Variants in BMPR1B observed in about 807,000 individuals in gnomAD.
The protein encoded by BMPR1B is bone morphogenetic protein receptor type-1B.
Under a neutral mutation model 59.1 loss-of-function variants are expected in BMPR1B, and 12 were observed. The ratio of observed to expected loss-of-function variants is 0.20; its 90% CI spans 0.13 to 0.33. The LOEUF (loss-of-function observed/expected upper bound fraction) is 0.33. Ranked by LOEUF, BMPR1B falls within the 10% of genes least tolerant of loss-of-function variation. The pLI, the probability that BMPR1B is intolerant of heterozygous loss-of-function variation, is 1.00. For missense variants in BMPR1B, 550 were observed against 610.9 expected (o/e 0.90, Z 1.05); for synonymous variants, 237 against 207.3 (o/e 1.14, Z -1.23).
intron 10 of BMPR1B, among the ~76,000 whole-genome samples, chr4:95,144,295 C>T (rs1734469630): frequency 6.6e-6 from 1 of 152,088 alleles, no homozygotes; most frequent in South Asian, 2.1e-4. Context: ...CTGCTTCAGC[C>T]TCGCAAGTAG....
At chr4:94,860,396 A>C (rs1725932097) in intron 1 of BMPR1B, among the ~76,000 whole-genome samples, 1 of 152,190 alleles carries the variant, frequency 6.6e-6, no homozygotes, top group South Asian at 2.1e-4. Flanking sequence ...TGTATACGTA[A>C]TCTTACAGAA....
At chr4:95,003,015 C>A (rs1308858031) in intron 3 of BMPR1B, among the ~76,000 whole-genome samples, 1 of 151,216 alleles carries the variant, frequency 6.6e-6, no homozygotes, top group Non-Finnish European at 1.5e-5. Flanking sequence ...ATTAAAGGAT[C>A]TTGATTTTTT....
chr4:94,939,835 C>G (rs1025384538), intron 2 of BMPR1B, among the ~76,000 whole-genome samples: 2 of 152,086 alleles, frequency 1.3e-5, no homozygotes, highest in African/African-American at 4.8e-5. Context: ...CTTTTTAAAG[C>G]CAAAGCCATT....
intron 1 of BMPR1B, among the ~76,000 whole-genome samples, chr4:94,759,235 C>T (rs562856977): frequency 7.1e-4 from 108 of 152,176 alleles, no homozygotes; most frequent in Non-Finnish European, 1.2e-3. Flanking sequence ...TGACTACGAG[C>T]GGCCACAAAG....
At chr4:94,870,117 C>A (rs1013582363) in intron 1 of BMPR1B, among the ~76,000 whole-genome samples, 1 of 152,094 alleles carries the variant, frequency 6.6e-6, no homozygotes, top group Non-Finnish European at 1.5e-5. Flanking sequence ...TTTATAAACT[C>A]TGATCAGTCT....
At chr4:94,828,023 T>C (rs1299274063) in intron 1 of BMPR1B, among the ~76,000 whole-genome samples, 1 of 152,208 alleles carries the variant, frequency 6.6e-6, no homozygotes, top group Non-Finnish European at 1.5e-5. Flanking sequence ...AAACAGCAGA[T>C]AAGGTCACGT....
intron 1 of BMPR1B, among the ~76,000 whole-genome samples, chr4:94,813,813 G>T (rs903664111): frequency 2.6e-5 from 4 of 152,114 alleles, no homozygotes; most frequent in Non-Finnish European, 5.9e-5. Flanking sequence ...CAGACTGTAT[G>T]TCCTGATGGA....
intron 1 of BMPR1B, among the ~76,000 whole-genome samples, chr4:94,855,689 G>A (rs1345783744): frequency 1.3e-5 from 2 of 152,196 alleles, no homozygotes; most frequent in Non-Finnish European, 2.9e-5. Context: ...GTGCATTGCT[G>A]CCACTGGTGA....
At chr4:95,042,225 G>A (rs1192055587) in intron 3 of BMPR1B, among the ~76,000 whole-genome samples, 1 of 152,146 alleles carries the variant, frequency 6.6e-6, no homozygotes, top group African/African-American at 2.4e-5. Flanking sequence ...CATTTTTATT[G>A]TATTAACGGT....
At chr4:95,118,640 T>C (rs1732246965) in intron 6 of BMPR1B, among the ~76,000 whole-genome samples, 2 of 152,194 alleles carry the variant, frequency 1.3e-5, no homozygotes. Flanking sequence ...AGAAATCTGC[T>C]GTCCTGGAGA....
At chr4:94,978,949 T>TACACACACACACACACAC (rs10649707) in intron 2 of BMPR1B, among the ~76,000 whole-genome samples, 4 of 147,696 alleles carry the variant, frequency 2.7e-5, no homozygotes, top group African/African-American at 1.0e-4. Flanking sequence ...CACACATACA[T>TACACACACACACACACAC]ACACACACAC....
chr4:95,073,908 G>T (rs985306096), intron 3 of BMPR1B, among the ~76,000 whole-genome samples: 3 of 152,116 alleles, frequency 2.0e-5, no homozygotes, highest in Non-Finnish European at 4.4e-5. Context: ...ACACTTTTAA[G>T]ACCAAAGCAG....
At chr4:94,883,549 C>T (rs915285877) in intron 2 of BMPR1B, among the ~76,000 whole-genome samples, 1 of 151,776 alleles carries the variant, frequency 6.6e-6, no homozygotes, top group Non-Finnish European at 1.5e-5. Flanking sequence ...TCAAGCAGCT[C>T]ATTAATAACT....
intron 8 of BMPR1B, among the ~76,000 whole-genome samples, chr4:95,125,533 G>A (rs1732846058): frequency 1.3e-5 from 2 of 152,064 alleles, no homozygotes; most frequent in African/African-American, 4.8e-5. Flanking sequence ...TATGTTTCAG[G>A]GTAAAGTTCT....
chr4:95,044,529 CCTCCTCTACATGCTT>C (rs752178203), intron 3 of BMPR1B, among the ~76,000 whole-genome samples: 3 of 152,214 alleles, frequency 2.0e-5, no homozygotes, highest in Admixed American at 6.5e-5. Flanking sequence ...GAACACAAAT[CCTCCTCTACATGCTT>C]TAGACAAGTT....
intron 3 of BMPR1B, among the ~76,000 whole-genome samples, chr4:94,999,501 A>G (rs1722292686): frequency 6.6e-6 from 1 of 152,060 alleles, no homozygotes; most frequent in Admixed American, 6.6e-5. Context: ...TTGGGTAACA[A>G]GAGTCAAAAT....
chr4:95,080,392 A>G (rs1013409136), intron 3 of BMPR1B, among the ~76,000 whole-genome samples: 9 of 152,070 alleles, frequency 5.9e-5, no homozygotes, highest in African/African-American at 2.2e-4. Context: ...GTCCACAACC[A>G]TGTCGGCTAA....
intron 3 of BMPR1B, among the ~76,000 whole-genome samples, chr4:95,060,249 C>T (rs1394952290): frequency 6.6e-6 from 1 of 151,966 alleles, no homozygotes; most frequent in African/African-American, 2.4e-5. Context: ...ACATTGAATT[C>T]AAGATAATAA....
intron 1 of BMPR1B, among the ~76,000 whole-genome samples, chr4:94,863,914 G>A (rs1167287527): frequency 6.6e-6 from 1 of 152,198 alleles, no homozygotes; most frequent in South Asian, 2.1e-4. Context: ...GGAAGTTACA[G>A]TTCATTAAAT....
Sources: allele counts gnomAD v4.1 joint callset (sites outside exome capture counted in the v4.1 genomes callset), GRCh38; gene constraint gnomAD v4.1.1; transcripts MANE v1.5; gene names NCBI Gene and HGNC (gene_info 2026-07-23, HGNC 2026-07-21).